The following MRPS35 variants were observed in gnomAD, a reference collection of about 807,000 sequenced individuals.
MRPS35 encodes mitochondrial ribosomal protein S35, also known as small ribosomal subunit protein mS35.
Under a neutral mutation model 32.7 loss-of-function variants are expected in MRPS35, and 29 were observed. That is an observed-to-expected ratio of 0.89 (90% CI 0.66 to 1.21). The LOEUF (loss-of-function observed/expected upper bound fraction) is 1.21, where lower values mean the gene tolerates loss of function less well. Among genes scored for constraint, MRPS35 ranks in the 50% most tolerant of loss-of-function variants. MRPS35 has a pLI of 0.00. For synonymous variants in MRPS35, 148 were observed against 139.3 expected, an observed-to-expected ratio of 1.06 and a Z score of -0.44; for missense variants, 373 against 383.8, an observed-to-expected ratio of 0.97 and a Z score of 0.23.
intron 5 of MRPS35, among the ~76,000 whole-genome samples, chr12:27,731,624 A>G (rs1593469812): frequency 6.6e-6 from 1 of 152,156 alleles, no homozygotes; most frequent in African/African-American, 2.4e-5. Flanking sequence ...GCTGGAGTCC[A>G]GTGGCGCGAT....
At chr12:27,719,934 C>A in intron 4 of MRPS35, 66 bp downstream of exon 4, 1 of 1,149,238 alleles carries the variant, frequency 8.7e-7, no homozygotes. Flanking sequence ...AATCTCTGTT[C>A]TGATATACTG....
At chr12:27,736,498 T>C (rs866805435) in intron 6 of MRPS35, among the ~76,000 whole-genome samples, 14 of 100,802 alleles carry the variant, frequency 1.4e-4, no homozygotes, top group Middle Eastern at 5.1e-3. Context: ...CCAATAATGT[T>C]GCTTTTTTTT....
chr12:27,723,495 T>C (rs909694984), intron 4 of MRPS35, among the ~76,000 whole-genome samples: 6 of 152,182 alleles, frequency 3.9e-5, no homozygotes, highest in Admixed American at 2.0e-4. Flanking sequence ...TCAGTTCTTA[T>C]AAGAATCCAT....
At chr12:27,754,765 CAAAAAA>C (rs149548847) in intron 7 of MRPS35, among the ~76,000 whole-genome samples, 1 of 103,556 alleles carries the variant, frequency 9.7e-6, no homozygotes, top group Non-Finnish European at 1.9e-5. Context: ...AGACCCATCT[CAAAAAA>C]AAAAAAAAAA....
intron 7 of MRPS35, chr12:27,752,984 A>G (rs1221947964): frequency 6.6e-6 from 1 of 152,190 alleles, no homozygotes; most frequent in African/African-American, 2.4e-5. Context: ...CGACTAGCCT[A>G]AAAAATAATA....
intron 7 of MRPS35, among the ~76,000 whole-genome samples, chr12:27,740,585 A>G (rs974356907): frequency 6.6e-6 from 1 of 152,018 alleles, no homozygotes; most frequent in Non-Finnish European, 1.5e-5. Flanking sequence ...TGGCTTTTTA[A>G]CCTTCCCCTA....
chr12:27,712,915 G>T (rs1390288774), intron 1 of MRPS35, among the ~76,000 whole-genome samples: 1 of 152,192 alleles, frequency 6.6e-6, no homozygotes, highest in Non-Finnish European at 1.5e-5. Context: ...CTACTCCAGA[G>T]GCTGAAGTGG....
intron 1 of MRPS35, 25 bp from the exon 2 acceptor site, chr12:27,714,751 TTAAC>T (rs1429817372): frequency 6.4e-7 from 1 of 1,569,114 alleles, no homozygotes; most frequent in African/African-American, 1.4e-5. Flanking sequence ...AAAATTCTCT[TTAAC>T]TACTGTGTTA....
intron 7 of MRPS35, among the ~76,000 whole-genome samples, chr12:27,750,866 G>A (rs2061999147): frequency 1.3e-5 from 2 of 152,044 alleles, no homozygotes; most frequent in African/African-American, 4.8e-5. Context: ...ACTTTGGGAG[G>A]CCGAGACTGG....
Position 27,751,684 on chromosome 12 carries a change from GTC to G in MRPS35, c.703-3491_703-3490del, listed in dbSNP as rs746551138. On this transcript the variant is annotated intron_variant, in intron 7 of 7. Transcript: ENST00000081029. ...CCTGTCCAGACGGACAGCTTTGGCT[GTC>G]TCTCTTTCTCTGGGCACCAGTGCCT... Among the ~76,000 whole-genome samples, 17 of 152,306 alleles carry G rather than the reference GTC, an allele frequency of 1.1e-4. No homozygotes were observed. The South Asian group carries it at 2.3e-3, about 20-fold the overall frequency.
chr12:27,720,394 CAA>C (rs11414370), intron 4 of MRPS35, among the ~76,000 whole-genome samples: 13 of 101,628 alleles, frequency 1.3e-4, no homozygotes, highest in Admixed American at 3.2e-4. Context: ...AACGCCATCT[CAA>C]AAAAAAAAAA....
intron 4 of MRPS35, among the ~76,000 whole-genome samples, chr12:27,722,918 G>A (rs748505478): frequency 2.6e-5 from 4 of 152,238 alleles, no homozygotes; most frequent in Non-Finnish European, 4.4e-5. Context: ...TAAGAAAATC[G>A]TTAGCCCAAG....
chr12:27,727,117 C>A (rs753823276), intron 5 of MRPS35, among the ~76,000 whole-genome samples: 1 of 152,030 alleles, frequency 6.6e-6, no homozygotes, highest in East Asian at 1.9e-4. Context: ...CCCGCCACCA[C>A]GCCTGGCTAA....
chr12:27,745,580 A>T (rs1402598475), intron 7 of MRPS35, among the ~76,000 whole-genome samples: 11 of 149,962 alleles, frequency 7.3e-5, no homozygotes, highest in African/African-American at 9.8e-5. Flanking sequence ...TTTTTTTTTT[A>T]AATTATACTT....
At chr12:27,732,591 A>G (rs1184237581) in intron 5 of MRPS35, among the ~76,000 whole-genome samples, 1 of 152,196 alleles carries the variant, frequency 6.6e-6, no homozygotes, top group Admixed American at 6.5e-5. Flanking sequence ...GATTAAAGCA[A>G]TATCGTGAAG....
At chr12:27,727,327 A>C (rs2061904571) in intron 5 of MRPS35, among the ~76,000 whole-genome samples, 1 of 152,166 alleles carries the variant, frequency 6.6e-6, no homozygotes. Flanking sequence ...GTGGTCAGTG[A>C]TAAACACATA....
intron 7 of MRPS35, among the ~76,000 whole-genome samples, chr12:27,743,529 A>T (rs988342032): frequency 1.3e-5 from 2 of 152,122 alleles, no homozygotes; most frequent in African/African-American, 4.8e-5. Context: ...ACTCCATCTC[A>T]AAATAAATAA....
At chr12:27,719,770 C>A (rs778865907) in intron 3 of MRPS35, 38 bp from the exon 4 acceptor site, 3 of 1,270,276 alleles carry the variant, frequency 2.4e-6, no homozygotes, top group African/African-American at 1.5e-5. Context: ...GTTTTTAAGA[C>A]ATTTAGCTAA....
chr12:27,746,872 G>T (rs1360859326), intron 7 of MRPS35, among the ~76,000 whole-genome samples: 1 of 151,888 alleles, frequency 6.6e-6, no homozygotes, highest in African/African-American at 2.4e-5. Context: ...TATCCCTACC[G>T]CTACAGTCTA....
Sources: allele counts gnomAD v4.1 joint callset (sites outside exome capture counted in the v4.1 genomes callset), GRCh38; gene constraint gnomAD v4.1.1; transcripts MANE v1.5; gene names NCBI Gene and HGNC (gene_info 2026-07-23, HGNC 2026-07-21).